Variants in SH2B3 observed in about 807,000 individuals in gnomAD.
SH2B3 encodes SH2B adapter protein 3.
Under a neutral mutation model 51.9 loss-of-function variants are expected in SH2B3, and 43 were observed. The observed-to-expected ratio is 0.83, with a 90% CI of 0.65 to 1.07. The LOEUF (loss-of-function observed/expected upper bound fraction) is 1.07. Among genes scored for constraint, SH2B3 ranks in the 50% least tolerant of loss-of-function variants. SH2B3 has a pLI of 0.00. For synonymous variants in SH2B3, 396 were observed against 376.0 expected (o/e 1.05, Z -0.62); for missense variants, 952 against 834.3 (o/e 1.14, Z -1.74).
chr12:111,420,367 CA>C lies in SH2B3; in HGVS notation c.732+1514del, dbSNP rs59301682. 5.9e-3 allele frequency among the ~76,000 whole-genome samples: 380 copies of C among 64,462 alleles called. 1 individual carries two copies. The highest frequency in any genetic ancestry group is 0.013 in the South Asian group (22 of 1,718). The allele number at this position is 64,462 out of a possible 152,430, so 42.3% of individuals were successfully genotyped here. A position where few individuals can be genotyped will look rare whatever the true frequency, so the allele number is the denominator to read the frequency against. Reference sequence around the variant, plus strand: ...TGGGTGACAGAGCGAGACCCTGTCTCAAAAAAAAAAAAAAAAAAAAAAAAGT... The same window carrying C: ...TGGGTGACAGAGCGAGACCCTGTCTCAAAAAAAAAAAAAAAAAAAAAAAGT... On this transcript the variant is annotated intron_variant, in intron 2 of 7. Coordinates refer to ENST00000341259, the MANE Select transcript of SH2B3 (RefSeq NM_005475.3).
In SH2B3 at chr12:111,448,429, GCC is replaced by G; in HGVS notation, c.*128_*129del. 1.3e-6 allele frequency: 1 copy of G among 773,410 alleles called. No homozygotes were observed. Among genetic ancestry groups the G allele is most frequent in the Non-Finnish European group, 2.1e-6 (1 of 487,668 alleles). 47.9% of individuals were successfully genotyped at this position (773,410 alleles called of 1,614,324 possible). ...TTAAGGGACACTGTTAACTGCTCGT[GCC>G]AGTTTGGAAGTGACCCTTCTATTAG... is the stretch of plus-strand genomic sequence containing the variant. On this transcript the variant is annotated 3_prime_UTR_variant, in exon 8 of 8. Transcript: ENST00000341259.
rs3803170 is a variant in SH2B3, at chr12:111,409,936, A to G, written c.-28+3659A>G. Among the ~76,000 whole-genome samples the G allele has an allele frequency of 0.38, 57,821 of 152,122 alleles. 15,104 individuals carry two copies. Among genetic ancestry groups the G allele is most frequent in the East Asian group, 0.9 (4,645 of 5,170 alleles). On this transcript the variant is annotated intron_variant, in intron 1 of 7. Transcript: ENST00000341259. This position sits in a 1 kb window ranked among gnomAD's most constrained non-coding sequence, Gnocchi z 4.0. ...CCGGAAACCCGGCAGCTGAGCAGTT[A>G]GATAGAAGATTTTTCCTCCCACGCC... is the stretch of plus-strand genomic sequence containing the variant.
rs1873139950 is a variant in SH2B3 at position 111,438,909 on chromosome 12, C to T, written c.733-7844C>T. ...CTGGATCAGAGCGAGGGAGGGAGGC[C>T]CAAGAGGCTGAGGAGGTAACAAGGG... On this transcript the variant is annotated intron_variant, in intron 2 of 7. Coordinates refer to ENST00000341259, the MANE Select transcript of SH2B3 (RefSeq NM_005475.3). This position sits in a 1 kb window ranked among gnomAD's most constrained non-coding sequence, Gnocchi z 4.2. 6.6e-6 allele frequency among the ~76,000 whole-genome samples: 1 copy of T among 152,070 alleles called. No individual in the cohort carries two copies. Among genetic ancestry groups the T allele is most frequent in the Non-Finnish European group, 1.5e-5 (1 of 68,010 alleles).
At chr12:111,434,939 C>A (rs998478834) in intron 2 of SH2B3, 2 of 1,535,386 alleles carry the variant, frequency 1.3e-6, no homozygotes, top group African/African-American at 2.7e-5. Flanking sequence ...TGGAGGAGGA[C>A]CTGGCCTGGC....
At position 111,448,617 on chromosome 12, in the gene SH2B3, A is replaced by G. The variant is rs1874302579; in HGVS notation, c.*315A>G. 1 of 294,668 alleles carries G rather than the reference A, an allele frequency of 3.4e-6. No individual in the cohort carries two copies. The highest frequency in any genetic ancestry group is 6.4e-6 in the Non-Finnish European group (1 of 156,802). 18.3% of individuals were successfully genotyped at this position (294,668 alleles called of 1,614,324 possible). A position where few individuals can be genotyped will look rare whatever the true frequency, so the allele number is the denominator to read the frequency against. ...AGAAAGGAGTTGGGGTGAGGGCCAG[A>G]GCTGGCAGTGGAAACTTGTTCTCTT... is the stretch of plus-strand genomic sequence containing the variant. On this transcript the variant is annotated 3_prime_UTR_variant, in exon 8 of 8. Coordinates refer to ENST00000341259, the MANE Select transcript of SH2B3 (RefSeq NM_005475.3).
At chr12:111,416,222 G>A (rs946603440) in intron 1 of SH2B3, among the ~76,000 whole-genome samples, 3 of 152,136 alleles carry the variant, frequency 2.0e-5, no homozygotes, top group South Asian at 4.2e-4. Flanking sequence ...GATTACAGGC[G>A]TGAGCCACCG....
intron 2 of SH2B3, among the ~76,000 whole-genome samples, chr12:111,442,076 T>C (rs766133029): frequency 6.6e-6 from 1 of 152,204 alleles, no homozygotes; most frequent in Non-Finnish European, 1.5e-5. Flanking sequence ...AACTTTTTGA[T>C]ACTAGACAGT....
At chr12:111,419,399 G>T (rs909547476) in intron 2 of SH2B3, among the ~76,000 whole-genome samples, 1 of 152,186 alleles carries the variant, frequency 6.6e-6, no homozygotes, top group Non-Finnish European at 1.5e-5. Flanking sequence ...CACTTTGGGA[G>T]GCCAAGGTGG....
rs1874164381 is a variant in SH2B3 at position 111,447,736 on chromosome 12, C to T, written c.1317C>T (p.His439=). ...TTCCCTCGGTCGTGGACATGCTCCA[C>T]CACTTCCAGCGCTCGCCCATCCCAC... ...LHFPSVVDML[H]HFQRSPIPLE... Residue 439 remains histidine (H), a synonymous_variant, in exon 7 of 8, where the codon CAC becomes CAT. Coordinates refer to ENST00000341259, the MANE Select transcript of SH2B3 (RefSeq NM_005475.3). The T allele has an allele frequency of 6.2e-7, 1 of 1,613,998 alleles. No individual in the cohort carries two copies. Among genetic ancestry groups the T allele is most frequent in the African/African-American group, 1.3e-5 (1 of 74,922 alleles).
Position 111,447,808 on chromosome 12 carries a change from A to T in SH2B3, c.1389A>T (p.Val463=). The T allele has an allele frequency of 6.2e-7, 1 of 1,614,024 alleles. No homozygotes were observed. The highest frequency in any genetic ancestry group is 1.1e-5 in the South Asian group (1 of 91,046). Residue 463 remains valine (V), a synonymous_variant, in exon 7 of 8, where the codon GTA becomes GTT. Transcript: ENST00000341259. ...ACDVRLSSYV[V]VVSQPPGSCN... Reference sequence around the variant, plus strand: ...ATGTCCGGCTCTCCAGCTACGTGGTAGTCGTCTCCCAACCACCAGGTCTGA... The same window carrying T: ...ATGTCCGGCTCTCCAGCTACGTGGTTGTCGTCTCCCAACCACCAGGTCTGA...
chr12:111,407,061 G>A lies in SH2B3; in HGVS notation c.-28+784G>A, dbSNP rs1565961938. 2.0e-5 allele frequency among the ~76,000 whole-genome samples: 3 copies of A among 152,174 alleles called. No individual in the cohort carries two copies. Among genetic ancestry groups the A allele is most frequent in the African/African-American group, 7.2e-5 (3 of 41,432 alleles). The stretch of plus-strand genomic sequence containing the variant: ...TCCCTCCCTTCCCTCCCTCCGGCCA[G>A]GGGAGCTTTGTTTTGAGGGAGGGGG... On this transcript the variant is annotated intron_variant, in intron 1 of 7. Coordinates refer to ENST00000341259, the MANE Select transcript of SH2B3 (RefSeq NM_005475.3). The surrounding 1 kb of genome is among the most constrained non-coding windows in gnomAD (Gnocchi z 4.3).
chr12:111,405,196 T>C (rs114985662), upstream of SH2B3, among the ~76,000 whole-genome samples: 5,717 of 152,174 alleles, frequency 0.038, 362 homozygotes, highest in African/African-American at 0.13. The surrounding 1 kb of genome is among the most constrained non-coding windows in gnomAD (Gnocchi z 5.4). Flanking sequence ...GAGGGCTTCC[T>C]GGAGAAAGAT....
intron 2 of SH2B3, among the ~76,000 whole-genome samples, chr12:111,437,023 C>G (rs1386959793): frequency 6.6e-6 from 1 of 152,014 alleles, no homozygotes; most frequent in East Asian, 1.9e-4. Flanking sequence ...GGATCTGACT[C>G]TGAACAGGGA....
chr12:111,424,630 G>A (rs964450057), intron 2 of SH2B3, among the ~76,000 whole-genome samples: 6 of 152,074 alleles, frequency 3.9e-5, no homozygotes, highest in Non-Finnish European at 7.4e-5. Context: ...CGGGGCCTGG[G>A]GTGTTGCCTG....
intron 1 of SH2B3, among the ~76,000 whole-genome samples, chr12:111,416,154 G>T (rs1304031724): frequency 6.6e-6 from 1 of 151,926 alleles, no homozygotes; most frequent in Non-Finnish European, 1.5e-5. Context: ...GTGTTAGCCA[G>T]GATAGTCTTG....
At chr12:111,420,146 C>A (rs1455891933) in intron 2 of SH2B3, among the ~76,000 whole-genome samples, 1 of 152,100 alleles carries the variant, frequency 6.6e-6, no homozygotes, top group African/African-American at 2.4e-5. Flanking sequence ...ACCTCCTGTG[C>A]CTTGGTGATA....
At chr12:111,415,965 G>A (rs952041912) in intron 1 of SH2B3, among the ~76,000 whole-genome samples, 6 of 149,688 alleles carry the variant, frequency 4.0e-5, no homozygotes, top group Middle Eastern at 3.3e-3. Context: ...ATTTAGAGAC[G>A]GAGTCTCGCT....
Position 111,406,385 on chromosome 12 carries a change from A to C in SH2B3, c.-28+108A>C, listed in dbSNP as rs773751066. 6.6e-6 allele frequency: 1 copy of C among 152,286 alleles called. No homozygotes were observed. The highest frequency in any genetic ancestry group is 1.5e-5 in the Non-Finnish European group (1 of 68,102). 9.4% of individuals were successfully genotyped at this position (152,286 alleles called of 1,614,324 possible). A position where few individuals can be genotyped will look rare whatever the true frequency, so the allele number is the denominator to read the frequency against. On this transcript the variant is annotated intron_variant, in intron 1 of 7. Coordinates refer to ENST00000341259, the MANE Select transcript of SH2B3 (RefSeq NM_005475.3). The surrounding 1 kb of genome is among the most constrained non-coding windows in gnomAD (Gnocchi z 5.7). ...TGCCCGGGCTCTGCGCGTCACCCCC[A>C]GCCCAAAATACTGCCCTGCAGCCAA... is the stretch of plus-strand genomic sequence containing the variant.
rs941644897 is a variant in SH2B3, at chr12:111,451,582, A to G, written c.*3280A>G. 1.3e-5 allele frequency: 2 copies of G among 152,684 alleles called. No homozygotes were observed. The highest frequency in any genetic ancestry group is 6.5e-5 in the Admixed American group (1 of 15,282). 9.5% of individuals were successfully genotyped at this position (152,684 alleles called of 1,614,324 possible). A position where few individuals can be genotyped will look rare whatever the true frequency, so the allele number is the denominator to read the frequency against. ...AATAATGCAAATTTTGCTATAATGT[A>G]CAAATTGCTATATGTGAATTAAAAA... is the stretch of plus-strand genomic sequence containing the variant. On this transcript the variant is annotated 3_prime_UTR_variant, in exon 8 of 8. Coordinates refer to ENST00000341259, the MANE Select transcript of SH2B3 (RefSeq NM_005475.3).
Sources: allele counts gnomAD v4.1 joint callset (sites outside exome capture counted in the v4.1 genomes callset), GRCh38; gene constraint gnomAD v4.1.1; non-coding constraint Gnocchi (gnomAD v3.1); transcripts MANE v1.5; gene names NCBI Gene and HGNC (gene_info 2026-07-23, HGNC 2026-07-21).